The following ARMH3 variants were observed in gnomAD, a reference collection of about 807,000 sequenced individuals.
ARMH3 encodes the protein armadillo like helical domain containing 3.
Under a neutral mutation model 99.1 loss-of-function variants are expected in ARMH3, and 60 were observed. The ratio of observed to expected loss-of-function variants is 0.61; its 90% CI spans 0.49 to 0.75. The LOEUF is 0.75. ARMH3 is among the 30% of genes least tolerant of loss of function. The pLI is 0.00. For synonymous variants in ARMH3, 285 were observed against 292.8 expected (o/e 0.97, Z 0.27); for missense variants, 679 against 843.1 (o/e 0.81, Z 2.41).
Position 101,975,283 on chromosome 10 carries a change from A to G in ARMH3, c.1424T>C (p.Val475Ala), listed in dbSNP as rs1479424290. Residue 475 changes from valine (V) to alanine (A), a missense_variant, in exon 20 of 26, where the codon GTA (valine) becomes GCA (alanine). Val to Ala is a moderately conservative substitution (Grantham distance 64). This residue lies in a region of ARMH3 where 389 missense variants were observed against 456.5 expected (regional missense o/e 0.85). Transcript: ENST00000370033. ...MDLYIRCIQV[V>A]HKLLCYQKKC... is the part of the protein sequence containing the mutation. ...CTTCTGGTAGCAGAGCAGTTTGTGT[A>G]CTACCTGGATGCAGCGTCTGTAACA... 1 of 1,612,602 alleles carries G rather than the reference A, an allele frequency of 6.2e-7. No individual in the cohort carries two copies.
At chr10:101,939,017 A>C (rs560515632) in intron 23 of ARMH3, among the ~76,000 whole-genome samples, 2 of 152,324 alleles carry the variant, frequency 1.3e-5, no homozygotes, top group South Asian at 4.1e-4. Context: ...ATAGGAAAAA[A>C]ATCACAGACC....
At chr10:101,879,335 C>T (rs2067351733) in intron 24 of ARMH3, among the ~76,000 whole-genome samples, 2 of 151,934 alleles carry the variant, frequency 1.3e-5, no homozygotes, top group Admixed American at 1.3e-4. Flanking sequence ...GTACATCTAC[C>T]CCAAATAATT....
intron 14 of ARMH3, among the ~76,000 whole-genome samples, chr10:102,004,378 T>C (rs2066435994): frequency 6.6e-6 from 1 of 152,222 alleles, no homozygotes; most frequent in Non-Finnish European, 1.5e-5. Flanking sequence ...ATTAAAATCT[T>C]CTTCCTAAGG....
At chr10:102,020,735 C>T (rs945414536) in intron 8 of ARMH3, among the ~76,000 whole-genome samples, 48 of 150,524 alleles carry the variant, frequency 3.2e-4, no homozygotes, top group African/African-American at 1.2e-3. Flanking sequence ...TGCCTGTAAT[C>T]CCAGCTACTC....
At chr10:101,883,986 T>TCACA (rs140583795) in intron 24 of ARMH3, among the ~76,000 whole-genome samples, 194 of 145,528 alleles carry the variant, frequency 1.3e-3, no homozygotes, top group South Asian at 2.8e-3. Context: ...GAGGGAGATC[T>TCACA]CACACACACA....
At chr10:102,051,892 T>G (rs2067715710) in intron 1 of ARMH3, among the ~76,000 whole-genome samples, 1 of 152,122 alleles carries the variant, frequency 6.6e-6, no homozygotes, top group Non-Finnish European at 1.5e-5. Context: ...CCACCTTTGG[T>G]TCCCTTTCAA....
chr10:101,966,635 C>A (rs2135873425), intron 20 of ARMH3, among the ~76,000 whole-genome samples: 1 of 152,176 alleles, frequency 6.6e-6, no homozygotes, highest in East Asian at 1.9e-4. Flanking sequence ...CAACACACAC[C>A]CCACAAGGAA....
At chr10:101,933,741 A>G (rs951452656) in intron 23 of ARMH3, among the ~76,000 whole-genome samples, 10 of 152,246 alleles carry the variant, frequency 6.6e-5, no homozygotes, top group African/African-American at 1.9e-4. Flanking sequence ...TAACTCAGTG[A>G]AGATAATATG....
At chr10:101,989,904 T>C (rs942057595) in intron 19 of ARMH3, among the ~76,000 whole-genome samples, 1 of 152,176 alleles carries the variant, frequency 6.6e-6, no homozygotes. Flanking sequence ...AAATTCGTCC[T>C]ACCTAATGCG....
chr10:102,003,908 T>C (rs2066425301), intron 14 of ARMH3, among the ~76,000 whole-genome samples: 2 of 152,218 alleles, frequency 1.3e-5, no homozygotes, highest in Non-Finnish European at 2.9e-5. Context: ...TTAATTCATG[T>C]TATGGGTTAA....
At chr10:102,001,894 A>G (rs1214521616) in intron 15 of ARMH3, 77 bp downstream of exon 15, 3 of 1,313,270 alleles carry the variant, frequency 2.3e-6, no homozygotes, top group Non-Finnish European at 3.3e-6. Flanking sequence ...AAGCTTCAAA[A>G]TATTAATGTT....
intron 24 of ARMH3, among the ~76,000 whole-genome samples, chr10:101,865,059 A>G (rs2135335416): frequency 6.6e-6 from 1 of 152,138 alleles, no homozygotes; most frequent in Admixed American, 6.5e-5. Context: ...TACTAAAAAT[A>G]CAAAAAATTA....
chr10:102,052,946 C>G (rs768070907), intron 1 of ARMH3, among the ~76,000 whole-genome samples: 1 of 149,232 alleles, frequency 6.7e-6, no homozygotes, highest in Non-Finnish European at 1.5e-5. Context: ...GAAACCTGCT[C>G]TACTTTTTCT....
chr10:101,893,388 A>T (rs1016725761), intron 23 of ARMH3, among the ~76,000 whole-genome samples: 7 of 150,516 alleles, frequency 4.7e-5, no homozygotes, highest in Non-Finnish European at 8.9e-5. Context: ...TTCTTAGGAA[A>T]TTTTTTTTTT....
intron 24 of ARMH3, among the ~76,000 whole-genome samples, chr10:101,855,280 C>G (rs540665935): frequency 6.1e-4 from 90 of 148,174 alleles, no homozygotes; most frequent in Middle Eastern, 7.1e-3. Context: ...GTTGGCCACG[C>G]TGGTCTTGAA....
chr10:101,945,060 C>A (rs1255915906), intron 22 of ARMH3, among the ~76,000 whole-genome samples: 1 of 152,046 alleles, frequency 6.6e-6, no homozygotes, highest in Admixed American at 6.5e-5. Flanking sequence ...AAACTCTAGA[C>A]AAAACATGAA....
At chr10:101,916,654 T>G (rs183860222) in intron 23 of ARMH3, among the ~76,000 whole-genome samples, 1 of 152,314 alleles carries the variant, frequency 6.6e-6, no homozygotes, top group Admixed American at 6.5e-5. Flanking sequence ...TTGACTGGAT[T>G]AAGGGATCCC....
chr10:102,035,386 C>T (rs2067229660), intron 2 of ARMH3, among the ~76,000 whole-genome samples: 1 of 151,574 alleles, frequency 6.6e-6, no homozygotes, highest in South Asian at 2.1e-4. Context: ...CAAGCTCTCC[C>T]TTCTCCCTTC....
intron 20 of ARMH3, among the ~76,000 whole-genome samples, chr10:101,968,183 T>C (rs1845618996): frequency 1.3e-5 from 2 of 152,152 alleles, no homozygotes; most frequent in Non-Finnish European, 2.9e-5. Context: ...TCCTAGACTT[T>C]GGGAAATGTA....
Sources: gnomAD v4.1 joint callset for allele counts (sites outside exome capture counted in the v4.1 genomes callset) on GRCh38, gnomAD v4.1.1 for gene constraint, gnomAD v4.1.1 regional missense constraint, MANE v1.5 for transcripts, NCBI Gene and HGNC (gene_info 2026-07-23, HGNC 2026-07-21) for gene names.